The following SLC2A13 variants were observed in gnomAD, a reference collection of about 807,000 sequenced individuals.
The protein encoded by SLC2A13 is solute carrier family 2 member 13.
In SLC2A13, 32 loss-of-function variants were observed where a neutral mutation model predicts 64.4. The observed-to-expected ratio is 0.50, with a 90% CI of 0.37 to 0.67. The LOEUF is 0.67. Ranked by LOEUF, SLC2A13 falls within the 30% of genes least tolerant of loss-of-function variation. The pLI, the probability that SLC2A13 is intolerant of heterozygous loss-of-function variation, is 0.00. For missense variants in SLC2A13, 743 were observed against 829.2 expected (o/e 0.90, Z 1.28); for synonymous variants, 338 against 327.1 (o/e 1.03, Z -0.36).
Position 39,993,051 on chromosome 12 carries a change from C to A in SLC2A13, c.925+35250G>T, listed in dbSNP as rs570117826. 2.6e-5 allele frequency among the ~76,000 whole-genome samples: 4 copies of A among 152,164 alleles called. No homozygotes were observed. In the South Asian group the frequency reaches 8.3e-4, roughly 32 times the overall value. On this transcript the variant is annotated intron_variant, in intron 3 of 9. Transcript: ENST00000280871. ...TAATATATTTAAAGTTTATTGCTCT[C>A]TTTTCTTTTAAGGAAAACAAAACTG... is the stretch of plus-strand genomic sequence containing the variant.
At chr12:40,070,670 T>C (rs534391003) in intron 1 of SLC2A13, among the ~76,000 whole-genome samples, 2 of 152,326 alleles carry the variant, frequency 1.3e-5, no homozygotes, top group Non-Finnish European at 1.5e-5. Context: ...AAGATCCTTT[T>C]TGAACAGCCA....
At position 39,803,614 on chromosome 12, in the gene SLC2A13, AG is replaced by A. The variant is rs1401844792; in HGVS notation, c.1445+26488del. 3.9e-5 allele frequency among the ~76,000 whole-genome samples: 6 copies of A among 152,268 alleles called. No homozygotes were observed. The East Asian group carries it at 5.8e-4, about 15-fold the overall frequency. The stretch of plus-strand genomic sequence containing the variant: ...GAGTCAGAAAAAAGAATCCTTCAAC[AG>A]ATATGCTAACCAGCAAACTGGATAT... On this transcript the variant is annotated intron_variant, in intron 7 of 9. Coordinates refer to ENST00000280871, the MANE Select transcript of SLC2A13 (RefSeq NM_052885.4).
At chr12:40,057,107 C>T (rs1205311550) in intron 1 of SLC2A13, among the ~76,000 whole-genome samples, 1 of 151,982 alleles carries the variant, frequency 6.6e-6, no homozygotes, top group African/African-American at 2.4e-5. Context: ...ACTGTAAAAA[C>T]ACACGAATTT....
At chr12:39,786,077 ATG>A (rs1941173683) in intron 7 of SLC2A13, among the ~76,000 whole-genome samples, 1 of 151,458 alleles carries the variant, frequency 6.6e-6, no homozygotes, top group African/African-American at 2.5e-5. Context: ...TTGGGAAGGC[ATG>A]ATTAGTTTTG....
intron 1 of SLC2A13, among the ~76,000 whole-genome samples, chr12:40,080,359 T>G (rs1391615361): frequency 6.6e-6 from 1 of 152,166 alleles, no homozygotes; most frequent in African/African-American, 2.4e-5. Context: ...ACACTCTGCC[T>G]TCAAAGTGGG....
intron 4 of SLC2A13, among the ~76,000 whole-genome samples, chr12:39,914,431 G>A (rs1371105940): frequency 1.3e-5 from 2 of 151,992 alleles, no homozygotes; most frequent in African/African-American, 4.8e-5. Flanking sequence ...CTGAAAGAAC[G>A]TAAAAATGAG....
At chr12:39,896,027 CATGCAT>C (rs1944817468) in intron 4 of SLC2A13, among the ~76,000 whole-genome samples, 1 of 130,936 alleles carries the variant, frequency 7.6e-6, no homozygotes, top group African/African-American at 2.9e-5. Flanking sequence ...TGTATACATA[CATGCAT>C]ATGTTTATAT....
rs1475233407 is a variant in SLC2A13 at position 39,896,309 on chromosome 12, CATAT to C, written c.1035-24352_1035-24349del. Among the ~76,000 whole-genome samples the C allele has an allele frequency of 3.6e-3, 301 of 83,770 alleles. 15 individuals are homozygous for C. Among genetic ancestry groups the C allele is most frequent in the Middle Eastern group, 0.02 (1 of 50 alleles). The allele number at this position is 83,770 out of a possible 152,430, so 55.0% of individuals were successfully genotyped here. On this transcript the variant is annotated intron_variant, in intron 4 of 9. Coordinates refer to ENST00000280871, the MANE Select transcript of SLC2A13 (RefSeq NM_052885.4). ...ATGTATATGTGTGTATATATGTATA[CATAT>C]ATGTATGTATATGTGTATATATGTA...
rs1939961646 is a variant in SLC2A13, at chr12:39,756,028, TA to T, written c.*3997del. 6.6e-6 allele frequency: 1 copy of T among 151,974 alleles called. No homozygotes were observed. The highest frequency in any genetic ancestry group is 1.5e-5 in the Non-Finnish European group (1 of 67,792). 9.4% of individuals were successfully genotyped at this position (151,974 alleles called of 1,614,324 possible). The stretch of plus-strand genomic sequence containing the variant: ...GCTATTTCTAGAAAAATAGCAGCAG[TA>T]TTGCTCACCTAGAAGAGCTGAATGT... On this transcript the variant is annotated 3_prime_UTR_variant, in exon 10 of 10. Coordinates refer to ENST00000280871, the MANE Select transcript of SLC2A13 (RefSeq NM_052885.4).
At chr12:39,864,935 G>C in intron 5 of SLC2A13, 53 bp from the exon 6 acceptor site, 1 of 1,515,154 alleles carries the variant, frequency 6.6e-7, no homozygotes, top group Non-Finnish European at 8.9e-7. Context: ...TTGTTTTAAG[G>C]CAGACTGGGT....
At chr12:39,782,568 C>T (rs1941031607) in intron 7 of SLC2A13, among the ~76,000 whole-genome samples, 1 of 152,206 alleles carries the variant, frequency 6.6e-6, no homozygotes. Context: ...ATGTCTTTAT[C>T]AGCAGCATGA....
chr12:40,034,672 C>T (rs1947951196), intron 2 of SLC2A13, among the ~76,000 whole-genome samples: 1 of 152,124 alleles, frequency 6.6e-6, no homozygotes, highest in South Asian at 2.1e-4. Context: ...ATGATGTATT[C>T]TTTAAAATTC....
intron 5 of SLC2A13, among the ~76,000 whole-genome samples, 194 bp from the exon 6 acceptor site, chr12:39,865,076 C>T (rs971385503): frequency 1.3e-5 from 2 of 152,140 alleles, no homozygotes; most frequent in Non-Finnish European, 2.9e-5. Flanking sequence ...TATTCACTAG[C>T]ACGTTCATTG....
intron 3 of SLC2A13, among the ~76,000 whole-genome samples, chr12:39,961,748 G>T (rs1762730382): frequency 6.7e-6 from 1 of 150,170 alleles, no homozygotes. Flanking sequence ...CAATCCTCCT[G>T]CCTCACCCTC....
chr12:40,027,901 C>T (rs1010257486), intron 3 of SLC2A13, among the ~76,000 whole-genome samples: 2 of 152,086 alleles, frequency 1.3e-5, no homozygotes, highest in Non-Finnish European at 2.9e-5. Context: ...TAACATGAGA[C>T]TTTTCTTGGT....
chr12:40,057,213 G>A (rs933337544), intron 1 of SLC2A13, among the ~76,000 whole-genome samples: 1 of 152,092 alleles, frequency 6.6e-6, no homozygotes, highest in Non-Finnish European at 1.5e-5. Context: ...CAGAAGTATA[G>A]AACATCAATT....
chr12:39,956,272 G>C (rs565066590), intron 3 of SLC2A13, among the ~76,000 whole-genome samples: 1 of 152,132 alleles, frequency 6.6e-6, no homozygotes, highest in East Asian at 1.9e-4. Context: ...CAAATAACTT[G>C]ACAGAAAGCA....
At chr12:39,959,182 AC>A (rs1287884813) in intron 3 of SLC2A13, among the ~76,000 whole-genome samples, 1 of 152,184 alleles carries the variant, frequency 6.6e-6, no homozygotes, top group African/African-American at 2.4e-5. Flanking sequence ...TCCTGAGCAC[AC>A]CCACGCTGTT....
intron 1 of SLC2A13, among the ~76,000 whole-genome samples, chr12:40,096,559 A>G (rs1364639882): frequency 1.3e-5 from 2 of 151,928 alleles, no homozygotes; most frequent in Non-Finnish European, 2.9e-5. Flanking sequence ...AGAAGATGAG[A>G]CCTAAATTTC....
Sources: gnomAD v4.1 joint callset for allele counts (sites outside exome capture counted in the v4.1 genomes callset) on GRCh38, gnomAD v4.1.1 for gene constraint, MANE v1.5 for transcripts, NCBI Gene and HGNC (gene_info 2026-07-23, HGNC 2026-07-21) for gene names.